PLEKHA1: variants seen among roughly 807,000 people sequenced by gnomAD.
The protein encoded by PLEKHA1 is pleckstrin homology domain containing A1, also known as pleckstrin homology domain-containing family A member 1.
PLEKHA1 carries 34 observed loss-of-function variants against 52.0 expected under a neutral mutation model. The ratio of observed to expected loss-of-function variants is 0.65; its 90% CI spans 0.50 to 0.87. The LOEUF is 0.87. PLEKHA1 is among the 40% of genes least tolerant of loss of function. The probability of loss-of-function intolerance (pLI) is 0.00; values close to 1 mark genes in which losing one functional copy is unlikely to be tolerated. For synonymous variants in PLEKHA1, 163 were observed against 170.7 expected, an observed-to-expected ratio of 0.95 and a Z score of 0.35; for missense variants, 497 against 504.2, an observed-to-expected ratio of 0.99 and a Z score of 0.14.
intron 1 of PLEKHA1, among the ~76,000 whole-genome samples, chr10:122,376,892 T>C (rs1451225275): frequency 6.6e-6 from 1 of 152,214 alleles, no homozygotes; most frequent in African/African-American, 2.4e-5. Flanking sequence ...TATGACAATA[T>C]TGACCACTCC....
intron 8 of PLEKHA1, chr10:122,420,916 G>C (rs1371538704): frequency 1.3e-5 from 2 of 152,140 alleles, no homozygotes; most frequent in African/African-American, 4.8e-5. Flanking sequence ...ATGGGAGAAT[G>C]GTCACATACA....
the PLEKHA1 span, chr10:122,441,119 G>A: frequency 6.6e-6 from 1 of 152,066 alleles, no homozygotes; most frequent in Non-Finnish European, 1.5e-5. Flanking sequence ...AGATTTTCTG[G>A]GATTAGGGCA....
chr10:122,415,001 G>T (rs925199500), intron 6 of PLEKHA1, among the ~76,000 whole-genome samples: 1 of 151,994 alleles, frequency 6.6e-6, no homozygotes, highest in Admixed American at 6.6e-5. Context: ...ATAAAAACTT[G>T]TGCATGAATG....
intron 1 of PLEKHA1, among the ~76,000 whole-genome samples, chr10:122,375,175 C>A (rs1427340597): frequency 6.6e-6 from 1 of 151,980 alleles, no homozygotes; most frequent in Non-Finnish European, 1.5e-5. Context: ...GGCCGACGAG[C>A]TCCTCGGCGT....
intron 1 of PLEKHA1, among the ~76,000 whole-genome samples, chr10:122,392,952 C>T (rs954371944): frequency 6.6e-6 from 1 of 151,996 alleles, no homozygotes; most frequent in Admixed American, 6.6e-5. Flanking sequence ...AGGTGAGTAG[C>T]TCTCTGTTGT....
chr10:122,426,211 T>G (rs960233212), intron 10 of PLEKHA1, among the ~76,000 whole-genome samples: 7 of 152,210 alleles, frequency 4.6e-5, no homozygotes, highest in African/African-American at 1.7e-4. Flanking sequence ...GCATGACCCT[T>G]TCTATTTTGT....
At chr10:122,409,686 G>T (rs2097079478) in intron 5 of PLEKHA1, among the ~76,000 whole-genome samples, 1 of 152,030 alleles carries the variant, frequency 6.6e-6, no homozygotes, top group Non-Finnish European at 1.5e-5. Flanking sequence ...AGTAGATGTA[G>T]AATTCTCAGA....
At chr10:122,385,876 G>A (rs990277868) in intron 1 of PLEKHA1, among the ~76,000 whole-genome samples, 28 of 152,112 alleles carry the variant, frequency 1.8e-4, no homozygotes, top group African/African-American at 6.8e-4. Flanking sequence ...TTGTTTATTC[G>A]TACACCAGTT....
At chr10:122,377,467 T>C (rs2133488956) in intron 1 of PLEKHA1, among the ~76,000 whole-genome samples, 2 of 152,250 alleles carry the variant, frequency 1.3e-5, no homozygotes, top group East Asian at 3.9e-4. Flanking sequence ...AATATTAAGA[T>C]TTGGTTTTAG....
intron 1 of PLEKHA1, among the ~76,000 whole-genome samples, chr10:122,386,001 T>C (rs2096690307): frequency 6.6e-6 from 1 of 152,224 alleles, no homozygotes; most frequent in Admixed American, 6.5e-5. Flanking sequence ...GATAAATACC[T>C]AGGAGTGGGA....
At chr10:122,426,290 A>ATTT (rs201108557) in intron 10 of PLEKHA1, among the ~76,000 whole-genome samples, 1 of 139,270 alleles carries the variant, frequency 7.2e-6, no homozygotes. Flanking sequence ...GGCTACTTGT[A>ATTT]TTTTTTTTTT....
chr10:122,410,147 G>T (rs2097087573), intron 5 of PLEKHA1, among the ~76,000 whole-genome samples: 1 of 152,136 alleles, frequency 6.6e-6, no homozygotes, highest in Non-Finnish European at 1.5e-5. Context: ...TGAGAAACCT[G>T]CAGCGTTTTT....
intron 4 of PLEKHA1, among the ~76,000 whole-genome samples, chr10:122,402,665 A>G (rs1234036706): frequency 2.6e-5 from 4 of 152,176 alleles, no homozygotes; most frequent in South Asian, 2.1e-4. Context: ...CTTTGTTTGC[A>G]TATCTGTATC....
the PLEKHA1 span, chr10:122,438,286 A>G: frequency 1.3e-5 from 2 of 152,188 alleles, no homozygotes; most frequent in African/African-American, 4.8e-5. Context: ...ATAACAAAAG[A>G]TGGTGGCTTA....
At chr10:122,406,541 A>G in intron 4 of PLEKHA1, 35 bp from the exon 5 acceptor site, 3 of 1,506,936 alleles carry the variant, frequency 2.0e-6, no homozygotes, top group Non-Finnish European at 2.8e-6. Flanking sequence ...GGTAATAAGT[A>G]CAATATTTGG....
intron 11 of PLEKHA1, chr10:122,428,188 C>T: frequency 4.8e-6 from 6 of 1,260,828 alleles, no homozygotes; most frequent in Admixed American, 3.0e-5. Context: ...ATTGGACTAT[C>T]TAGCTATGAC....
intron 1 of PLEKHA1, chr10:122,387,548 C>T (rs1367584155): frequency 1.3e-5 from 2 of 151,936 alleles, no homozygotes; most frequent in Admixed American, 1.3e-4. Flanking sequence ...TGGTATATAC[C>T]TGAGGGCTTT....
intron 4 of PLEKHA1, among the ~76,000 whole-genome samples, chr10:122,405,475 A>G (rs72832703): frequency 0.018 from 2,792 of 152,174 alleles, 49 homozygotes; most frequent in Middle Eastern, 0.031. Flanking sequence ...GCAGATGGCC[A>G]ATAAACTTAC....
intron 6 of PLEKHA1, among the ~76,000 whole-genome samples, chr10:122,414,060 G>A (rs963043688): frequency 6.6e-6 from 1 of 152,076 alleles, no homozygotes; most frequent in Non-Finnish European, 1.5e-5. Context: ...TGCTGTCATA[G>A]AGCATACATT....
Sources: allele counts gnomAD v4.1 joint callset (sites outside exome capture counted in the v4.1 genomes callset), GRCh38; gene constraint gnomAD v4.1.1; transcripts MANE v1.5; gene names NCBI Gene and HGNC (gene_info 2026-07-23, HGNC 2026-07-21).